The following DNAJB13 variants were observed in gnomAD, a reference collection of about 807,000 sequenced individuals.
The protein encoded by DNAJB13 is DnaJ heat shock protein family (Hsp40) member B13.
DNAJB13 carries 22 observed loss-of-function variants against 35.6 expected under a neutral mutation model. That is an observed-to-expected ratio of 0.62 (90% CI 0.44 to 0.88). The LOEUF (loss-of-function observed/expected upper bound fraction) is 0.88, where lower values mean the gene tolerates loss of function less well. Ranked by LOEUF, DNAJB13 falls within the 40% of genes least tolerant of loss-of-function variation. The pLI is 0.00. For missense variants in DNAJB13, 370 were observed against 384.3 expected, an observed-to-expected ratio of 0.96 and a Z score of 0.31; for synonymous variants, 136 against 144.2, an observed-to-expected ratio of 0.94 and a Z score of 0.41.
Position 73,961,746 on chromosome 11 carries a change from A to G in DNAJB13, c.334+2091A>G, listed in dbSNP as rs143805106. On this transcript the variant is annotated intron_variant, in intron 3 of 7. Transcript: ENST00000339764. ...TTCTCTAGCAGGGAAGGTATGCAAG[A>G]AGGAGGACAGAGCAGATGCCAAGTG... is the stretch of plus-strand genomic sequence containing the variant. Among the ~76,000 whole-genome samples, 467 of 152,342 alleles carry G rather than the reference A, an allele frequency of 3.1e-3. 2 individuals carry two copies. Among genetic ancestry groups the G allele is most frequent in the Non-Finnish European group, 4.6e-3 (314 of 68,032 alleles).
At chr11:73,956,578 G>A (rs1055610463) in intron 1 of DNAJB13, among the ~76,000 whole-genome samples, 5 of 152,198 alleles carry the variant, frequency 3.3e-5, no homozygotes, top group Non-Finnish European at 5.9e-5. Flanking sequence ...TGTGGTGGGC[G>A]GATCACCTGA....
intron 4 of DNAJB13, chr11:73,965,668 G>C (rs867075077): frequency 1.2e-4 from 20 of 166,218 alleles, no homozygotes; most frequent in South Asian, 4.8e-4. Context: ...TCCCCAGTGG[G>C]GAATGCACTG....
In DNAJB13 at chr11:73,958,290, G is replaced by A. The variant is rs776401769; in HGVS notation, c.69-27G>A. ...CCCTCAGAAACAGACCAGCTGATAA[G>A]ACTTGTATTAATTCTCCCTCTTCCA... is the stretch of plus-strand genomic sequence containing the variant. On this transcript the variant is annotated intron_variant, in intron 1 of 7. Transcript: ENST00000339764. The A allele has an allele frequency of 1.2e-5, 20 of 1,610,924 alleles. No individual in the cohort carries two copies. The African/African-American group carries it at 1.9e-4, about 15-fold the overall frequency.
chr11:73,951,991 A>G lies in DNAJB13; in HGVS notation c.68+854A>G, dbSNP rs1950598239. 2.0e-5 allele frequency among the ~76,000 whole-genome samples: 3 copies of G among 152,104 alleles called. No homozygotes were observed. In the South Asian group the frequency reaches 6.2e-4, roughly 32 times the overall value. On this transcript the variant is annotated intron_variant, in intron 1 of 7. Coordinates refer to ENST00000339764, the MANE Select transcript of DNAJB13 (RefSeq NM_153614.4). Reference sequence around the variant, plus strand: ...AACAAATATTTATTGAGCGTCTACCACAAGGGTTGAGAGGGTACTTCACTC... The same window carrying G: ...AACAAATATTTATTGAGCGTCTACCGCAAGGGTTGAGAGGGTACTTCACTC...
At chr11:73,957,228 G>A (rs573959275) in intron 1 of DNAJB13, among the ~76,000 whole-genome samples, 4 of 152,228 alleles carry the variant, frequency 2.6e-5, no homozygotes, top group Non-Finnish European at 5.9e-5. Flanking sequence ...GGGCAGGGCT[G>A]CGGCTTTATT....
chr11:73,951,314 T>C (rs1950580301), intron 1 of DNAJB13, among the ~76,000 whole-genome samples, 177 bp downstream of exon 1: 1 of 152,212 alleles, frequency 6.6e-6, no homozygotes, highest in Admixed American at 6.5e-5. Flanking sequence ...AGGTTGGAAA[T>C]TTGAACTCTT....
At chr11:73,959,790 A>G in intron 3 of DNAJB13, 135 bp downstream of exon 3, 1 of 908,404 alleles carries the variant, frequency 1.1e-6, no homozygotes, top group Non-Finnish European at 1.5e-6. Context: ...GGAGATGGAG[A>G]CTCACTCTGT....
intron 3 of DNAJB13, among the ~76,000 whole-genome samples, chr11:73,963,313 C>T (rs1450787015): frequency 6.6e-6 from 1 of 151,310 alleles, no homozygotes; most frequent in African/African-American, 2.4e-5. Context: ...CCATTGCACT[C>T]CAGCCTGGGC....
Position 73,959,856 on chromosome 11 carries a change from G to A in DNAJB13, c.334+201G>A, listed in dbSNP as rs547669436. On this transcript the variant is annotated intron_variant, in intron 3 of 7. Coordinates refer to ENST00000339764, the MANE Select transcript of DNAJB13 (RefSeq NM_153614.4). ...TGGCTTACTGCAACCTCTGCCTCCC[G>A]GGTTCAAATGATTCTCCTCCCTCAG... 8.6e-5 allele frequency: 32 copies of A among 370,996 alleles called. No homozygotes were observed. In the Admixed American group the frequency reaches 8.7e-4, roughly 10 times the overall value. 23.0% of individuals were successfully genotyped at this position (370,996 alleles called of 1,614,324 possible). A position where few individuals can be genotyped will look rare whatever the true frequency, so the allele number is the denominator to read the frequency against.
rs747864015 is a variant in DNAJB13 at position 73,969,342 on chromosome 11, GC to G, written c.797+24del. The G allele has an allele frequency of 1.0e-5, 9 of 870,584 alleles. No homozygotes were observed. Among genetic ancestry groups the G allele is most frequent in the Non-Finnish European group, 1.6e-5 (8 of 500,524 alleles). 53.9% of individuals were successfully genotyped at this position (870,584 alleles called of 1,614,324 possible). ...CATCCAGTGAGTCCATCTGCCTTGG[GC>G]CCCAGTAGCCAAGAGAAGGGCTAGC... On this transcript the variant is annotated intron_variant, in intron 7 of 7. Transcript: ENST00000339764.
chr11:73,958,423 G>C lies in DNAJB13; in HGVS notation c.172+3G>C, dbSNP rs761304008. The C allele has an allele frequency of 3.7e-5, 59 of 1,613,840 alleles. No homozygotes were observed. The highest frequency in any genetic ancestry group is 5.0e-5 in the Non-Finnish European group (59 of 1,179,754). On this transcript the variant is annotated splice_donor_region_variant and intron_variant, in intron 2 of 7. Coordinates refer to ENST00000339764, the MANE Select transcript of DNAJB13 (RefSeq NM_153614.4). ...GGCCTACGACGTGCTGAGTGACCGT[G>C]AGTAGGTGTGGGGCTGAGCACCCCG...
intron 6 of DNAJB13, among the ~76,000 whole-genome samples, chr11:73,968,821 G>C (rs958028726): frequency 6.6e-6 from 1 of 151,884 alleles, no homozygotes; most frequent in East Asian, 1.9e-4. Flanking sequence ...CCGCCCCTTC[G>C]CCGCATAGCA....
intron 1 of DNAJB13, among the ~76,000 whole-genome samples, chr11:73,956,676 G>A (rs1472164660): frequency 2.0e-5 from 3 of 152,030 alleles, no homozygotes; most frequent in South Asian, 2.1e-4. Context: ...GGTGGCTCGC[G>A]CCTGTAATCC....
chr11:73,963,754 C>G (rs536670118), intron 3 of DNAJB13: 3 of 152,228 alleles, frequency 2.0e-5, no homozygotes, highest in Non-Finnish European at 4.4e-5. Flanking sequence ...CCATCCCTGC[C>G]TAAGGTCATT....
At chr11:73,952,752 C>A (rs866056187) in intron 1 of DNAJB13, among the ~76,000 whole-genome samples, 5 of 152,156 alleles carry the variant, frequency 3.3e-5, no homozygotes, top group Non-Finnish European at 7.4e-5. Flanking sequence ...GGATCAGAAT[C>A]CAGATTCACT....
intron 2 of DNAJB13, 70 bp downstream of exon 2, chr11:73,958,490 T>C (rs1228938673): frequency 7.2e-7 from 1 of 1,394,322 alleles, no homozygotes; most frequent in East Asian, 2.4e-5. Context: ...CTGTTGGGTT[T>C]TCTGAGGGGG....
intron 1 of DNAJB13, among the ~76,000 whole-genome samples, chr11:73,955,730 G>A (rs577723148): frequency 2.0e-5 from 3 of 152,262 alleles, no homozygotes; most frequent in Admixed American, 6.5e-5. Flanking sequence ...GAACCTGGGA[G>A]GCGGACAATG....
intron 4 of DNAJB13, chr11:73,965,283 C>G: frequency 2.7e-6 from 1 of 367,882 alleles, no homozygotes; most frequent in East Asian, 5.1e-5. Flanking sequence ...CAGGCTCTTT[C>G]CCTTCCTTTC....
intron 1 of DNAJB13, among the ~76,000 whole-genome samples, chr11:73,956,012 T>A (rs920094045): frequency 2.5e-4 from 38 of 152,258 alleles, no homozygotes; most frequent in Admixed American, 2.3e-3. Flanking sequence ...TGCCTAAAAG[T>A]CAGAGCCATG....
Sources: gnomAD v4.1 joint callset for allele counts (sites outside exome capture counted in the v4.1 genomes callset) on GRCh38, gnomAD v4.1.1 for gene constraint, MANE v1.5 for transcripts, NCBI Gene and HGNC (gene_info 2026-07-23, HGNC 2026-07-21) for gene names.